DACH1: variants seen among roughly 807,000 people sequenced by gnomAD.
DACH1 encodes the protein dachshund family transcription factor 1.
In DACH1, 12 loss-of-function variants were observed where a neutral mutation model predicts 54.2. That is an observed-to-expected ratio of 0.22 (90% confidence interval 0.14 to 0.36). The LOEUF (loss-of-function observed/expected upper bound fraction) is 0.36, where lower values mean the gene tolerates loss of function less well. Among genes scored for constraint, DACH1 ranks in the 10% least tolerant of loss-of-function variants. The probability of loss-of-function intolerance (pLI) is 1.00; values close to 1 mark genes in which losing one functional copy is unlikely to be tolerated. For synonymous variants in DACH1, 386 were observed against 366.2 expected, an observed-to-expected ratio of 1.05 and a Z score of -0.62; for missense variants, 805 against 929.8, an observed-to-expected ratio of 0.87 and a Z score of 1.75.
At chr13:71,448,851 T>A (rs111896344) in intron 10 of DACH1, among the ~76,000 whole-genome samples, 2,169 of 149,168 alleles carry the variant, frequency 0.015, 56 homozygotes, top group African/African-American at 0.05. Context: ...AGGTTGTAAC[T>A]GGGGAACCTG....
chr13:71,690,905 C>T lies in DACH1; in HGVS notation c.849-8995G>A, dbSNP rs530737056. 3.3e-5 allele frequency among the ~76,000 whole-genome samples: 5 copies of T among 152,322 alleles called. No homozygotes were observed. In the South Asian group the frequency reaches 8.3e-4, roughly 25 times the overall value. ...TGTGATCAAACCACTGCACTCGAGC[C>T]TGGATGACTAAGTGAGACCCCAAGT... On this transcript the variant is annotated intron_variant, in intron 1 of 10. Transcript: ENST00000613252.
intron 2 of DACH1, among the ~76,000 whole-genome samples, chr13:71,641,138 C>T (rs1440526316): frequency 1.3e-5 from 2 of 151,740 alleles, no homozygotes; most frequent in African/African-American, 4.8e-5. Context: ...ATAAAAATAG[C>T]TGGAAAATAC....
intron 1 of DACH1, among the ~76,000 whole-genome samples, chr13:71,823,137 C>G (rs1245321717): frequency 6.6e-6 from 1 of 151,936 alleles, no homozygotes; most frequent in East Asian, 1.9e-4. Context: ...TTATTTTTTC[C>G]TATTCCATAG....
In DACH1 at chr13:71,635,036, T is replaced by C. The variant is rs538436184; in HGVS notation, c.965-4319A>G. On this transcript the variant is annotated intron_variant, in intron 2 of 10. Transcript: ENST00000613252. ...GCACTAAAAGGGCAGAAATACTTTC[T>C]TCGTATATATATCCCAAACATCTGC... Among the ~76,000 whole-genome samples, 7 of 152,328 alleles carry C rather than the reference T, an allele frequency of 4.6e-5. No individual in the cohort carries two copies. In the South Asian group the frequency reaches 1.5e-3, roughly 32 times the overall value.
At chr13:71,856,096 T>C (rs2038856) in intron 1 of DACH1, among the ~76,000 whole-genome samples, 60,649 of 151,656 alleles carry the variant, frequency 0.4, 14,670 homozygotes, top group East Asian at 0.84. Context: ...TTTTAATTTC[T>C]TAAGAATAAA....
At chr13:71,766,744 AG>A (rs1885646294) in intron 1 of DACH1, among the ~76,000 whole-genome samples, 1 of 152,154 alleles carries the variant, frequency 6.6e-6, no homozygotes, top group South Asian at 2.1e-4. Context: ...TAAATTTTGC[AG>A]GGCAAAGGGA....
At chr13:71,682,432 ACC>A (rs1353150331) in intron 1 of DACH1, among the ~76,000 whole-genome samples, 1 of 152,136 alleles carries the variant, frequency 6.6e-6, no homozygotes, top group Non-Finnish European at 1.5e-5. Flanking sequence ...AGTGATTCAG[ACC>A]TATAGCACAT....
chr13:71,739,990 C>G (rs1185263735), intron 1 of DACH1, among the ~76,000 whole-genome samples: 2 of 152,154 alleles, frequency 1.3e-5, no homozygotes, highest in African/African-American at 4.8e-5. Flanking sequence ...AATATAAACA[C>G]AGGACTAAAA....
chr13:71,855,618 T>G (rs962717639), intron 1 of DACH1, among the ~76,000 whole-genome samples: 1 of 152,008 alleles, frequency 6.6e-6, no homozygotes, highest in Non-Finnish European at 1.5e-5. Context: ...GTAAGTAAAG[T>G]GAATCCAGCT....
intron 1 of DACH1, among the ~76,000 whole-genome samples, chr13:71,828,086 A>G (rs1443458464): frequency 6.6e-6 from 1 of 152,004 alleles, no homozygotes; most frequent in African/African-American, 2.4e-5. Flanking sequence ...TGCAACACAA[A>G]TTGATTGCCT....
At chr13:71,512,291 T>A (rs1007336337) in intron 6 of DACH1, among the ~76,000 whole-genome samples, 1 of 151,956 alleles carries the variant, frequency 6.6e-6, no homozygotes, top group Admixed American at 6.6e-5. Context: ...CTCTGCATTA[T>A]GTTCCTCTGC....
intron 1 of DACH1, among the ~76,000 whole-genome samples, chr13:71,778,092 C>A (rs560223062): frequency 2.4e-4 from 34 of 138,952 alleles, no homozygotes; most frequent in South Asian, 9.5e-4. Context: ...ACCCTGTCTA[C>A]AATAAATAAA....
At chr13:71,600,796 T>C (rs1004191200) in intron 3 of DACH1, among the ~76,000 whole-genome samples, 3 of 152,080 alleles carry the variant, frequency 2.0e-5, no homozygotes, top group Middle Eastern at 3.2e-3. Context: ...TAAAGAGGAC[T>C]CAATCATCAA....
chr13:71,620,232 G>A (rs1478555914), intron 3 of DACH1, among the ~76,000 whole-genome samples: 1 of 151,844 alleles, frequency 6.6e-6, no homozygotes, highest in African/African-American at 2.4e-5. Context: ...ACAAGCAAAA[G>A]CAAGATAATC....
At chr13:71,776,487 T>C (rs1266309998) in intron 1 of DACH1, among the ~76,000 whole-genome samples, 1 of 152,118 alleles carries the variant, frequency 6.6e-6, no homozygotes, top group Non-Finnish European at 1.5e-5. Context: ...ATTTTCTTAA[T>C]ATATTGATTA....
At chr13:71,555,580 A>C (rs531668605) in intron 6 of DACH1, among the ~76,000 whole-genome samples, 1 of 152,002 alleles carries the variant, frequency 6.6e-6, no homozygotes, top group Non-Finnish European at 1.5e-5. Context: ...TGACCTCGTG[A>C]TCTGCCTGCC....
At chr13:71,540,970 G>A (rs1049327543) in intron 6 of DACH1, among the ~76,000 whole-genome samples, 1 of 151,596 alleles carries the variant, frequency 6.6e-6, no homozygotes, top group Non-Finnish European at 1.5e-5. Flanking sequence ...CTATTATAAA[G>A]GAAATGCTAT....
At chr13:71,632,288 T>C (rs1225054659) in intron 2 of DACH1, among the ~76,000 whole-genome samples, 1 of 152,068 alleles carries the variant, frequency 6.6e-6, no homozygotes, top group East Asian at 1.9e-4. Flanking sequence ...TGTGAACTTT[T>C]GCCAAGTCAG....
chr13:71,532,535 T>C (rs1593847014), intron 6 of DACH1, among the ~76,000 whole-genome samples: 1 of 151,940 alleles, frequency 6.6e-6, no homozygotes, highest in Non-Finnish European at 1.5e-5. Context: ...TATACCTTAA[T>C]TATGTTAATT....
Sources: allele counts gnomAD v4.1 joint callset (sites outside exome capture counted in the v4.1 genomes callset), GRCh38; gene constraint gnomAD v4.1.1; transcripts MANE v1.5; gene names NCBI Gene and HGNC (gene_info 2026-07-23, HGNC 2026-07-21).